The following EYS variants were observed in gnomAD, a reference collection of about 807,000 sequenced individuals.
EYS encodes EGF-like photoreceptor maintenance factor.
A neutral mutation model predicts 282.1 loss-of-function variants in EYS; 250 were observed. That is an observed-to-expected ratio of 0.89 (90% CI 0.80 to 0.98). The LOEUF is 0.98. EYS is among the 50% of genes least tolerant of loss of function. The pLI is 0.00. For missense variants in EYS, 4,016 were observed against 3,709.0 expected, an observed-to-expected ratio of 1.08 and a Z score of -2.15; for synonymous variants, 1,355 against 1,282.9, an observed-to-expected ratio of 1.06 and a Z score of -1.20.
chr6:64,108,671 A>G (rs1388190101), intron 31 of EYS, among the ~76,000 whole-genome samples: 2 of 151,932 alleles, frequency 1.3e-5, no homozygotes, highest in African/African-American at 2.4e-5. Context: ...TGACTCTGAA[A>G]AGGTTATGGA....
chr6:65,281,867 C>A (rs1278698496), intron 12 of EYS, among the ~76,000 whole-genome samples: 1 of 151,980 alleles, frequency 6.6e-6, no homozygotes, highest in South Asian at 2.1e-4. Context: ...TTTTGTATTT[C>A]TAATTTTATT....
At chr6:65,686,355 T>C (rs1369296331) in intron 1 of EYS, among the ~76,000 whole-genome samples, 1 of 152,074 alleles carries the variant, frequency 6.6e-6, no homozygotes, top group African/African-American at 2.4e-5. Context: ...TCAGTCCTCC[T>C]CCAAGGTCAG....
intron 5 of EYS, among the ~76,000 whole-genome samples, chr6:65,480,844 AATAGGTCAGGCACAGAAAGAT>A (rs1419163500): frequency 6.6e-6 from 1 of 152,140 alleles, no homozygotes; most frequent in Non-Finnish European, 1.5e-5. Flanking sequence ...TATTAAGCGA[AATAGGTCAGGCACAGAAAGAT>A]AAATACTGCA....
chr6:64,572,148 CA>C (rs1765746354), intron 26 of EYS, among the ~76,000 whole-genome samples: 1 of 152,172 alleles, frequency 6.6e-6, no homozygotes, highest in Non-Finnish European at 1.5e-5. Context: ...CATAATCCAT[CA>C]CATAAACAGA....
chr6:65,507,104 A>T (rs528949412), intron 2 of EYS, among the ~76,000 whole-genome samples: 2 of 152,116 alleles, frequency 1.3e-5, no homozygotes, highest in South Asian at 4.1e-4. Context: ...TATCGTTTGC[A>T]TGACATGTCT....
intron 31 of EYS, among the ~76,000 whole-genome samples, chr6:64,146,806 C>G (rs1774533920): frequency 6.6e-6 from 1 of 152,100 alleles, no homozygotes; most frequent in South Asian, 2.1e-4. Context: ...ACACTGGAAG[C>G]TGACTCAGTT....
rs182780391 is a variant in EYS, at chr6:65,073,074, A to T, written c.2024-15347T>A. ...AAAAGGTTTCAAACTACATGGAAAGATTAAAGAAAATATAGACAACACTCA... is the reference window on the plus strand; with the variant it reads ...AAAAGGTTTCAAACTACATGGAAAGTTTAAAGAAAATATAGACAACACTCA... On this transcript the variant is annotated intron_variant, in intron 12 of 42. Transcript: ENST00000503581. Among the ~76,000 whole-genome samples, 3 of 151,748 alleles carry T rather than the reference A, an allele frequency of 2.0e-5. No homozygotes were observed. The East Asian group carries it at 5.8e-4, about 29-fold the overall frequency.
intron 26 of EYS, among the ~76,000 whole-genome samples, chr6:64,460,149 T>A (rs1582782382): frequency 6.6e-6 from 1 of 152,174 alleles, no homozygotes; most frequent in Non-Finnish European, 1.5e-5. Flanking sequence ...AAATATTTTT[T>A]AAAAATATAT....
intron 5 of EYS, among the ~76,000 whole-genome samples, chr6:65,420,372 A>G (rs1244303669): frequency 6.7e-6 from 1 of 148,660 alleles, no homozygotes; most frequent in Non-Finnish European, 1.5e-5. Flanking sequence ...TTCGTAAGAA[A>G]CAATCTTCAT....
At chr6:64,006,166 C>T (rs1768338250) in intron 33 of EYS, among the ~76,000 whole-genome samples, 1 of 151,852 alleles carries the variant, frequency 6.6e-6, no homozygotes, top group Non-Finnish European at 1.5e-5. Context: ...TTGTAATTCT[C>T]CTTGTAGGGA....
At chr6:65,352,748 T>A (rs1272620969) in intron 9 of EYS, among the ~76,000 whole-genome samples, 1 of 151,986 alleles carries the variant, frequency 6.6e-6, no homozygotes, top group Non-Finnish European at 1.5e-5. Context: ...TATAAACTTA[T>A]GGAATGTGTC....
intron 34 of EYS, among the ~76,000 whole-genome samples, chr6:63,996,549 A>G (rs1040420573): frequency 1.1e-4 from 17 of 152,216 alleles, no homozygotes; most frequent in African/African-American, 3.9e-4. Flanking sequence ...AAACAAAACA[A>G]AACAATAAAT....
intron 12 of EYS, among the ~76,000 whole-genome samples, chr6:65,146,801 C>T (rs751690489): frequency 3.3e-5 from 5 of 151,886 alleles, no homozygotes; most frequent in Non-Finnish European, 5.9e-5. Context: ...AATACTTATT[C>T]TTTTTACCAT....
intron 30 of EYS, among the ~76,000 whole-genome samples, chr6:64,268,324 T>C (rs1767826527): frequency 6.6e-6 from 1 of 152,136 alleles, no homozygotes; most frequent in African/African-American, 2.4e-5. Flanking sequence ...TAAGTGTATA[T>C]ATGAATAGAC....
intron 13 of EYS, among the ~76,000 whole-genome samples, chr6:65,047,186 T>A (rs576799314): frequency 6.6e-6 from 1 of 151,920 alleles, no homozygotes; most frequent in African/African-American, 2.4e-5. Context: ...AATTATAAAT[T>A]GTTATTTTTC....
chr6:64,851,756 T>G (rs535616381), intron 19 of EYS, among the ~76,000 whole-genome samples: 2 of 152,054 alleles, frequency 1.3e-5, no homozygotes, highest in East Asian at 1.9e-4. Context: ...TGAGAACACA[T>G]GGACATATAC....
intron 31 of EYS, among the ~76,000 whole-genome samples, chr6:64,108,331 T>A (rs181502613): frequency 1.3e-5 from 2 of 152,238 alleles, no homozygotes; most frequent in Admixed American, 1.3e-4. Context: ...TTCTCTGTAT[T>A]CAGCTGGCTG....
chr6:65,296,985 C>G (rs202082868), intron 11 of EYS, among the ~76,000 whole-genome samples: 1 of 151,662 alleles, frequency 6.6e-6, no homozygotes, highest in Non-Finnish European at 1.5e-5. Flanking sequence ...CAAATACAGA[C>G]GTGCACAGAA....
At chr6:64,360,941 A>G (rs1043802672) in intron 29 of EYS, among the ~76,000 whole-genome samples, 1 of 151,732 alleles carries the variant, frequency 6.6e-6, no homozygotes, top group Non-Finnish European at 1.5e-5. Context: ...ACAAAAAAGA[A>G]GCTTAGCTGA....
Sources: allele counts gnomAD v4.1 joint callset (sites outside exome capture counted in the v4.1 genomes callset), GRCh38; gene constraint gnomAD v4.1.1; transcripts MANE v1.5; gene names NCBI Gene and HGNC (gene_info 2026-07-23, HGNC 2026-07-21).